The following HECTD4 variants were observed in gnomAD, a reference collection of about 807,000 sequenced individuals.
HECTD4 encodes the protein HECT domain E3 ubiquitin protein ligase 4, also known as probable E3 ubiquitin-protein ligase HECTD4.
HECTD4 carries 114 observed loss-of-function variants against 471.5 expected under a neutral mutation model. The ratio of observed to expected loss-of-function variants is 0.24; its 90% CI spans 0.21 to 0.28. The LOEUF (loss-of-function observed/expected upper bound fraction) is 0.28, where lower values mean the gene tolerates loss of function less well. HECTD4 is among the 10% of genes least tolerant of loss of function. The pLI is 1.00. For synonymous variants in HECTD4, 2,012 were observed against 2,256.0 expected, an observed-to-expected ratio of 0.89 and a Z score of 3.07; for missense variants, 3,866 against 5,651.5, an observed-to-expected ratio of 0.68 and a Z score of 10.13.
intron 11 of HECTD4, among the ~76,000 whole-genome samples, chr12:112,272,884 T>G (rs1281041444): frequency 6.6e-6 from 1 of 152,220 alleles, no homozygotes; most frequent in African/African-American, 2.4e-5. Context: ...GCAAAGCTGC[T>G]GCTTTTCACT....
chr12:112,226,192 T>G (rs190805220), intron 44 of HECTD4, among the ~76,000 whole-genome samples: 1 of 150,326 alleles, frequency 6.7e-6, no homozygotes, highest in Non-Finnish European at 1.5e-5. Flanking sequence ...GACTTTTCCA[T>G]ACACACACAC....
intron 44 of HECTD4, among the ~76,000 whole-genome samples, chr12:112,225,620 C>CAAAAAAAAA (rs781152688): frequency 1.8e-5 from 1 of 56,304 alleles, no homozygotes; most frequent in Non-Finnish European, 3.6e-5. Flanking sequence ...AATTGTAAGG[C>CAAAAAAAAA]AAAAAAAAAA....
chr12:112,286,574 C>T (rs1043161685), intron 7 of HECTD4, among the ~76,000 whole-genome samples: 1 of 152,078 alleles, frequency 6.6e-6, no homozygotes, highest in African/African-American at 2.4e-5. Flanking sequence ...CGCCTGTAGT[C>T]CCTGCTACAA....
intron 45 of HECTD4, among the ~76,000 whole-genome samples, chr12:112,217,655 G>A (rs1431955919): frequency 1.3e-5 from 2 of 152,156 alleles, no homozygotes; most frequent in African/African-American, 2.4e-5. Context: ...TGCCCAGCCA[G>A]GCACATATAT....
intron 8 of HECTD4, 91 bp from the exon 9 acceptor site, chr12:112,279,477 C>A (rs775733102): frequency 4.3e-5 from 46 of 1,081,654 alleles, no homozygotes; most frequent in Non-Finnish European, 5.7e-5. Flanking sequence ...TGAGGGAGAC[C>A]CAAACTCAAA....
chr12:112,179,484 T>G lies in HECTD4; in HGVS notation c.10988-87A>C. 1 of 1,195,024 alleles carries G rather than the reference T, an allele frequency of 8.4e-7. No individual in the cohort carries two copies. The highest frequency in any genetic ancestry group is 1.2e-6 in the Non-Finnish European group (1 of 831,482). The allele number at this position is 1,195,024 out of a possible 1,614,324, so 74.0% of individuals were successfully genotyped here. A position where few individuals can be genotyped will look rare whatever the true frequency, so the allele number is the denominator to read the frequency against. On this transcript the variant is annotated intron_variant, in intron 62 of 75. Coordinates refer to ENST00000682272, the MANE Select transcript of HECTD4 (RefSeq NM_001388303.1). This position sits in a 1 kb window ranked among gnomAD's most constrained non-coding sequence, Gnocchi z 4.3. ...GAGCATTCTGTTTCCAAACACTGTT[T>G]GAAAGGGGCAGTGGATGGACATTAG...
chr12:112,365,931 C>T (rs1444320727), intron 1 of HECTD4, among the ~76,000 whole-genome samples: 2 of 151,718 alleles, frequency 1.3e-5, no homozygotes, highest in East Asian at 1.9e-4. Context: ...TATACCACCA[C>T]GCCCAGCTAA....
chr12:112,317,199 C>T (rs1383489090), intron 2 of HECTD4, among the ~76,000 whole-genome samples: 1 of 152,152 alleles, frequency 6.6e-6, no homozygotes, highest in Non-Finnish European at 1.5e-5. Context: ...CAATATAAAG[C>T]CTTTACAAGG....
chr12:112,274,196 A>G (rs573160077), intron 10 of HECTD4, among the ~76,000 whole-genome samples: 2 of 152,356 alleles, frequency 1.3e-5, no homozygotes, highest in African/African-American at 4.8e-5. Flanking sequence ...CACGGCAAAG[A>G]GAAAGTCCAG....
At chr12:112,167,989 C>T (rs919181195) in intron 70 of HECTD4, 72 bp from the exon 71 acceptor site, 3 of 1,225,938 alleles carry the variant, frequency 2.4e-6, no homozygotes, top group African/African-American at 3.0e-5. Flanking sequence ...CTCCCTCTCA[C>T]CTGCTGGCTG....
intron 19 of HECTD4, 105 bp downstream of exon 19, chr12:112,259,007 T>C: frequency 2.0e-6 from 2 of 1,004,996 alleles, no homozygotes; most frequent in South Asian, 3.6e-5. Flanking sequence ...CCTTGGTTTC[T>C]GAAAGGCAGG....
rs1048332970 is a variant in HECTD4, at chr12:112,249,966, G to C, written c.3950+178C>G. ...TGCTGACTGGTGGGCCAAATTTTGA[G>C]AGCCCCTAGTCTGGAATACTGCCTG... On this transcript the variant is annotated intron_variant, in intron 25 of 75. Coordinates refer to ENST00000682272, the MANE Select transcript of HECTD4 (RefSeq NM_001388303.1). 15 of 600,842 alleles carry C rather than the reference G, an allele frequency of 2.5e-5. No homozygotes were observed. In the African/African-American group the frequency reaches 2.6e-4, roughly 10 times the overall value. 37.2% of individuals were successfully genotyped at this position (600,842 alleles called of 1,614,324 possible). A position where few individuals can be genotyped will look rare whatever the true frequency, so the allele number is the denominator to read the frequency against.
chr12:112,204,104 G>A (rs1311769310), intron 53 of HECTD4, among the ~76,000 whole-genome samples: 2 of 152,258 alleles, frequency 1.3e-5, no homozygotes, highest in Non-Finnish European at 2.9e-5. Flanking sequence ...GTGCAGTGGT[G>A]TGATCTCGGC....
At chr12:112,167,028 T>C in intron 72 of HECTD4, 1 of 323,406 alleles carries the variant, frequency 3.1e-6, no homozygotes, top group Non-Finnish European at 5.6e-6. Flanking sequence ...GCCTGTTCAC[T>C]CAGCTCCAGG....
intron 69 of HECTD4, 32 bp from the exon 70 acceptor site, chr12:112,169,690 C>T (rs774846486): frequency 6.2e-7 from 1 of 1,610,036 alleles, no homozygotes; most frequent in South Asian, 1.1e-5. Flanking sequence ...TCAAAGCACC[C>T]CGCCGTGGCC....
At chr12:112,225,260 A>G (rs2033201787) in intron 44 of HECTD4, among the ~76,000 whole-genome samples, 1 of 152,010 alleles carries the variant, frequency 6.6e-6, no homozygotes, top group South Asian at 2.1e-4. Flanking sequence ...ACAAACAGAA[A>G]AGGTATTAGA....
intron 1 of HECTD4, among the ~76,000 whole-genome samples, chr12:112,366,340 G>A (rs893656361): frequency 6.6e-6 from 1 of 151,542 alleles, no homozygotes; most frequent in African/African-American, 2.4e-5. Flanking sequence ...AGACCCCCAT[G>A]TCTACAAAAA....
chr12:112,190,615 C>A (rs540177668), intron 60 of HECTD4, among the ~76,000 whole-genome samples, 171 bp downstream of exon 60: 3 of 152,234 alleles, frequency 2.0e-5, no homozygotes, highest in African/African-American at 7.2e-5. Context: ...CTAGGTTGTA[C>A]CTTAAGATCT....
intron 39 of HECTD4, 142 bp downstream of exon 39, chr12:112,231,371 C>T: frequency 1.4e-6 from 1 of 733,774 alleles, no homozygotes; most frequent in Non-Finnish European, 2.3e-6. Context: ...CAGGCTGTAC[C>T]TTGAGTGCAA....
Sources: gnomAD v4.1 joint callset for allele counts (sites outside exome capture counted in the v4.1 genomes callset) on GRCh38, gnomAD v4.1.1 for gene constraint, Gnocchi (gnomAD v3.1) non-coding constraint, MANE v1.5 for transcripts, NCBI Gene and HGNC (gene_info 2026-07-23, HGNC 2026-07-21) for gene names.